Variants in STK10 observed in about 807,000 individuals in gnomAD.
The protein encoded by STK10 is serine/threonine-protein kinase 10.
In STK10, 78 loss-of-function variants were observed where a neutral mutation model predicts 113.8. That is an observed-to-expected ratio of 0.69 (90% CI 0.57 to 0.83). The LOEUF is 0.83. STK10 is among the 40% of genes least tolerant of loss of function. The probability of loss-of-function intolerance (pLI) is 0.00; values close to 1 mark genes in which losing one functional copy is unlikely to be tolerated. For synonymous variants in STK10, 465 were observed against 494.7 expected (o/e 0.94, Z 0.80); for missense variants, 1,109 against 1,280.1 (o/e 0.87, Z 2.04).
At chr5:172,091,227 A>G (rs1768697944) in intron 9 of STK10, among the ~76,000 whole-genome samples, 1 of 152,196 alleles carries the variant, frequency 6.6e-6, no homozygotes, top group South Asian at 2.1e-4. Flanking sequence ...GCATGGTGCC[A>G]AAATCCAAAG....
intron 18 of STK10, among the ~76,000 whole-genome samples, chr5:172,052,574 G>A (rs552968137): frequency 1.1e-4 from 16 of 152,338 alleles, no homozygotes; most frequent in African/African-American, 3.1e-4. Context: ...CTTGTGCTGC[G>A]TTCTGACTCC....
chr5:172,044,882 T>G lies in STK10; in HGVS notation c.2907A>C (p.Ter969TyrextTer69). The change falls in exon 19 of 19, where the codon TAA (stop) becomes TAC (tyrosine). Residue 969 changes from the stop codon to tyrosine, a stop_lost. Coordinates refer to ENST00000176763, the MANE Select transcript of STK10 (RefSeq NM_005990.4). The surrounding 1 kb of genome is among the most constrained non-coding windows in gnomAD (Gnocchi z 4.5). ...FFPYSSADAS* is the reference protein window; with the variant it reads ...FFPYSSADASY ...TGCCAGCCACAGCCCCGGGCGGTTG[T>G]TAAGAAGCATCCGCAGAACTGTAGG... The G allele has an allele frequency of 6.2e-7, 1 of 1,614,206 alleles. No individual in the cohort carries two copies. The highest frequency in any genetic ancestry group is 8.5e-7 in the Non-Finnish European group (1 of 1,180,046).
intron 15 of STK10, among the ~76,000 whole-genome samples, chr5:172,056,619 G>T (rs1247499192): frequency 6.6e-6 from 1 of 152,104 alleles, no homozygotes; most frequent in Non-Finnish European, 1.5e-5. Context: ...TGTAATCCTG[G>T]CACTTTGGGA....
rs772478955 is a variant in STK10, at chr5:172,063,841, G to A, written c.2082+879C>T. The stretch of plus-strand genomic sequence containing the variant: ...AATGCTGAAGCAGGTAATATACAAA[G>A]CATTTCTAAATATGGACTCAAAAAT... On this transcript the variant is annotated intron_variant, in intron 13 of 18. Coordinates refer to ENST00000176763, the MANE Select transcript of STK10 (RefSeq NM_005990.4). Among the ~76,000 whole-genome samples, 9 of 152,260 alleles carry A rather than the reference G, an allele frequency of 5.9e-5. No individual in the cohort carries two copies. The Middle Eastern group carries it at 0.01, about 173-fold the overall frequency.
chr5:172,112,948 A>T (rs1451209974), intron 4 of STK10, among the ~76,000 whole-genome samples: 1 of 150,600 alleles, frequency 6.6e-6, no homozygotes, highest in South Asian at 2.1e-4. Context: ...GGGTTTCATC[A>T]TGTTGGTCAG....
chr5:172,098,339 C>A (rs779949468), intron 7 of STK10, among the ~76,000 whole-genome samples: 27 of 152,134 alleles, frequency 1.8e-4, no homozygotes, highest in Non-Finnish European at 3.5e-4. Flanking sequence ...GGCAGAGGGG[C>A]CTCATTCAAG....
At chr5:172,075,432 T>A (rs1483858022) in intron 12 of STK10, among the ~76,000 whole-genome samples, 1 of 151,670 alleles carries the variant, frequency 6.6e-6, no homozygotes, top group Non-Finnish European at 1.5e-5. Context: ...ATCCCAGCAC[T>A]TTGGGAGGCC....
intron 3 of STK10, among the ~76,000 whole-genome samples, chr5:172,124,968 T>C (rs527276946): frequency 1.3e-5 from 2 of 152,364 alleles, no homozygotes; most frequent in South Asian, 4.1e-4. Flanking sequence ...TTTTCAATAC[T>C]GGAGGTATAA....
chr5:172,186,467 T>C (rs1021908781), intron 1 of STK10, among the ~76,000 whole-genome samples: 1 of 150,628 alleles, frequency 6.6e-6, no homozygotes, highest in African/African-American at 2.4e-5. Context: ...CTACAAAAAA[T>C]ACAAAAATTA....
In STK10 at chr5:172,082,418, C is replaced by G; in HGVS notation, c.1897G>C (p.Val633Leu). 4.3e-6 allele frequency: 7 copies of G among 1,611,886 alleles called. No homozygotes were observed. Among genetic ancestry groups the G allele is most frequent in the Non-Finnish European group, 5.9e-6 (7 of 1,178,982 alleles). ...QVEKMEQDHA[V>L]RRREEARRIR... ...CGCCTGGCCTCCTCCCGGCGGCGCACGGCATGGTCTTGCTCCATCTTCTCC... is the reference window on the plus strand; with the variant it reads ...CGCCTGGCCTCCTCCCGGCGGCGCAGGGCATGGTCTTGCTCCATCTTCTCC... Residue 633 changes from valine to leucine, a missense_variant, in exon 12 of 19, where the codon GTG (valine) becomes CTG (leucine). This residue lies in a region of STK10 where 885 missense variants were observed against 991.1 expected (regional missense o/e 0.89). Coordinates refer to ENST00000176763, the MANE Select transcript of STK10 (RefSeq NM_005990.4). The surrounding 1 kb of genome is among the most constrained non-coding windows in gnomAD (Gnocchi z 4.3).
At chr5:172,181,319 T>C (rs1247651208) in intron 1 of STK10, among the ~76,000 whole-genome samples, 1 of 152,094 alleles carries the variant, frequency 6.6e-6, no homozygotes, top group Non-Finnish European at 1.5e-5. Flanking sequence ...ACTGATGAAG[T>C]TTTTAAGTGC....
chr5:172,145,119 G>C (rs1010654117), intron 2 of STK10, among the ~76,000 whole-genome samples: 9 of 152,188 alleles, frequency 5.9e-5, no homozygotes, highest in African/African-American at 2.2e-4. Flanking sequence ...CCCTAGCGGA[G>C]AGACAAAGGC....
intron 3 of STK10, among the ~76,000 whole-genome samples, chr5:172,126,134 T>C (rs980788809): frequency 6.6e-6 from 1 of 152,194 alleles, no homozygotes; most frequent in Admixed American, 6.5e-5. Context: ...TCAGCCTCTC[T>C]GCACTCACTG....
At chr5:172,048,132 A>C (rs1040216454) in intron 18 of STK10, among the ~76,000 whole-genome samples, 3 of 152,146 alleles carry the variant, frequency 2.0e-5, no homozygotes, top group Non-Finnish European at 4.4e-5. Context: ...CTGTTTGGTC[A>C]AACACCAGCT....
chr5:172,095,146 G>A (rs546254559), intron 8 of STK10, among the ~76,000 whole-genome samples: 22 of 152,280 alleles, frequency 1.4e-4, no homozygotes, highest in African/African-American at 5.3e-4. Context: ...TGGTATGAAT[G>A]GATTTATACT....
At chr5:172,152,883 CAT>C (rs1770267050) in intron 2 of STK10, among the ~76,000 whole-genome samples, 1 of 152,226 alleles carries the variant, frequency 6.6e-6, no homozygotes, top group African/African-American at 2.4e-5. Flanking sequence ...CAATGGATCA[CAT>C]GTCAAAATGA....
chr5:172,128,678 C>T (rs566409423), intron 2 of STK10, among the ~76,000 whole-genome samples: 3 of 152,310 alleles, frequency 2.0e-5, no homozygotes, highest in African/African-American at 7.2e-5. Context: ...AGAGGGATGG[C>T]GTCACAAACT....
At chr5:172,121,097 C>T (rs572369752) in intron 3 of STK10, among the ~76,000 whole-genome samples, 4 of 149,324 alleles carry the variant, frequency 2.7e-5, no homozygotes, top group African/African-American at 9.9e-5. Context: ...GGTGTGGTCT[C>T]GGCTCACTGC....
chr5:172,168,289 G>A (rs1385803858), intron 1 of STK10, among the ~76,000 whole-genome samples: 1 of 152,202 alleles, frequency 6.6e-6, no homozygotes, highest in East Asian at 1.9e-4. Flanking sequence ...ATCGCAGGAA[G>A]GGCTGCGACT....
Sources: gnomAD v4.1 joint callset for allele counts (sites outside exome capture counted in the v4.1 genomes callset) on GRCh38, gnomAD v4.1.1 for gene constraint, gnomAD v4.1.1 regional missense constraint, Gnocchi (gnomAD v3.1) non-coding constraint, MANE v1.5 for transcripts, NCBI Gene and HGNC (gene_info 2026-07-23, HGNC 2026-07-21) for gene names.